Variants in SAMD3 observed in about 807,000 individuals in gnomAD.
SAMD3 encodes the protein sterile alpha motif domain containing 3, also known as sterile alpha motif domain-containing protein 3.
SAMD3 carries 63 observed loss-of-function variants against 58.5 expected under a neutral mutation model. The observed-to-expected ratio is 1.08, with a 90% CI of 0.88 to 1.33. The LOEUF is 1.33. Among genes scored for constraint, SAMD3 ranks in the 40% most tolerant of loss-of-function variants. SAMD3 has a pLI of 0.00. For synonymous variants in SAMD3, 220 were observed against 210.3 expected (o/e 1.05, Z -0.40); for missense variants, 604 against 608.4 (o/e 0.99, Z 0.08).
At chr6:130,326,324 A>G (rs1374876437) in intron 1 of SAMD3, among the ~76,000 whole-genome samples, 4 of 147,146 alleles carry the variant, frequency 2.7e-5, no homozygotes, top group African/African-American at 5.1e-5. Flanking sequence ...TCCTGCCCCT[A>G]TGACTTTACC....
At chr6:130,307,634 T>C (rs75860576) in intron 2 of SAMD3, among the ~76,000 whole-genome samples, 25,601 of 152,154 alleles carry the variant, frequency 0.17, 2,384 homozygotes, top group East Asian at 0.36. Context: ...CAAATAACTA[T>C]GATCCTCAGT....
In SAMD3 at chr6:130,175,896, G is replaced by A. The variant is rs1791678472; in HGVS notation, c.767C>T (p.Thr256Ile). Reference protein sequence around the residue: ...KCKFGHRRGQTRKSLADIRFD... With the variant: ...KCKFGHRRGQIRKSLADIRFD... ...TCTTATATCAGCAAGAGATTTCCTT[G>A]TCTGGCCTCTTCGGTGTCCAAATTT... The change falls in exon 8 of 12, where the codon ACA becomes ATA. Residue 256 changes from threonine to isoleucine, a missense_variant. Physicochemically the swap from Thr to Ile is moderately conservative, Grantham distance 89 (BLOSUM62 -1). Transcript: ENST00000439090. The A allele has an allele frequency of 2.5e-6, 4 of 1,613,070 alleles. No homozygotes were observed. The highest frequency in any genetic ancestry group is 2.5e-6 in the Non-Finnish European group (3 of 1,179,230).
At chr6:130,350,987 A>G (rs1407977742) in intron 1 of SAMD3, among the ~76,000 whole-genome samples, 6 of 152,192 alleles carry the variant, frequency 3.9e-5, no homozygotes, top group African/African-American at 7.2e-5. Context: ...AGCATTCCCT[A>G]TTTAATAAAT....
At chr6:130,174,358 G>A (rs1289447906) in intron 8 of SAMD3, among the ~76,000 whole-genome samples, 2 of 152,228 alleles carry the variant, frequency 1.3e-5, no homozygotes, top group South Asian at 2.1e-4. Context: ...TGTGGGAAAA[G>A]TGTAGTAACC....
At chr6:130,157,839 G>A (rs528325359) in intron 8 of SAMD3, among the ~76,000 whole-genome samples, 3 of 152,138 alleles carry the variant, frequency 2.0e-5, no homozygotes, top group African/African-American at 7.2e-5. Flanking sequence ...TTAAAATCAT[G>A]CATATGTAAT....
At chr6:130,227,186 C>T (rs1796404855), upstream of SAMD3, among the ~76,000 whole-genome samples, 1 of 152,144 alleles carries the variant, frequency 6.6e-6, no homozygotes, top group Admixed American at 6.5e-5. Context: ...ATGAATTTGA[C>T]TATTTTAGGT....
At chr6:130,197,764 C>T (rs138722352) in intron 5 of SAMD3, among the ~76,000 whole-genome samples, 3,139 of 152,132 alleles carry the variant, frequency 0.021, 105 homozygotes, top group African/African-American at 0.072. Flanking sequence ...TTTCGCTGTC[C>T]GAACACTTTA....
At chr6:130,308,418 C>CTATTCTATT (rs1776018241) in intron 2 of SAMD3, among the ~76,000 whole-genome samples, 1 of 135,068 alleles carries the variant, frequency 7.4e-6, no homozygotes, top group African/African-American at 2.8e-5. Flanking sequence ...CTATTCTATT[C>CTATTCTATT]TATTCTATTC....
At chr6:130,334,086 A>G (rs977941096) in intron 1 of SAMD3, among the ~76,000 whole-genome samples, 9 of 152,144 alleles carry the variant, frequency 5.9e-5, no homozygotes, top group African/African-American at 1.9e-4. Context: ...CCCCTGGCAC[A>G]CTTACCATAA....
intron 5 of SAMD3, among the ~76,000 whole-genome samples, chr6:130,207,828 G>C (rs1462573511): frequency 1.3e-5 from 2 of 152,206 alleles, no homozygotes; most frequent in African/African-American, 4.8e-5. Flanking sequence ...TGTGGGGCTA[G>C]AGGTGAGGTC....
Position 130,216,123 on chromosome 6 carries a change from A to G in SAMD3, c.-22+448T>C, listed in dbSNP as rs561039128. Reference sequence around the variant, plus strand: ...AGTTTGCAAGATATATTCTTTAACTATTTCAGTTATTTTTGTATGCCACTT... The same window carrying G: ...AGTTTGCAAGATATATTCTTTAACTGTTTCAGTTATTTTTGTATGCCACTT... On this transcript the variant is annotated intron_variant, in intron 2 of 11. Transcript: ENST00000439090. 2.5e-4 allele frequency among the ~76,000 whole-genome samples: 38 copies of G among 151,870 alleles called. No individual in the cohort carries two copies. The South Asian group carries it at 7.9e-3, about 32-fold the overall frequency.
intron 2 of SAMD3, among the ~76,000 whole-genome samples, chr6:130,230,189 C>T (rs555732685): frequency 2.0e-5 from 3 of 152,216 alleles, no homozygotes; most frequent in South Asian, 4.1e-4. Flanking sequence ...ATCAGGAGAA[C>T]GGTATTATGT....
intron 2 of SAMD3, among the ~76,000 whole-genome samples, chr6:130,254,522 T>G (rs112336209): frequency 0.06 from 9,130 of 151,864 alleles, 926 homozygotes; most frequent in African/African-American, 0.21. Context: ...AGAGATAAGG[T>G]TTTGCCATGT....
In SAMD3 at chr6:130,306,141, G is replaced by A. The variant is rs1171102552; in HGVS notation, c.-188+6837C>T. Among the ~76,000 whole-genome samples, 5 of 152,164 alleles carry A rather than the reference G, an allele frequency of 3.3e-5. No homozygotes were observed. In the East Asian group the frequency reaches 9.6e-4, roughly 29 times the overall value. ...GATTAGGTTTCAACGTATGAATTGG[G>A]TAGGGAGTGTACAAACATTCAGACC... On this transcript the variant is annotated intron_variant, in intron 2 of 13. Coordinates refer to the SAMD3 transcript ENST00000368134.
At chr6:130,320,037 T>A (rs993920528) in intron 1 of SAMD3, among the ~76,000 whole-genome samples, 7 of 151,408 alleles carry the variant, frequency 4.6e-5, no homozygotes, top group Non-Finnish European at 1.0e-4. Flanking sequence ...CATTAAAAAA[T>A]TGTGGAGAAT....
At chr6:130,165,143 T>C (rs917319092) in intron 8 of SAMD3, among the ~76,000 whole-genome samples, 8 of 152,148 alleles carry the variant, frequency 5.3e-5, no homozygotes, top group African/African-American at 1.9e-4. Flanking sequence ...GAAGACAACA[T>C]ACATTGTAAG....
intron 2 of SAMD3, among the ~76,000 whole-genome samples, chr6:130,303,241 CA>C (rs2114977480): frequency 6.6e-6 from 1 of 152,204 alleles, no homozygotes; most frequent in South Asian, 2.1e-4. Context: ...TCCAGAATCA[CA>C]AATCACAATC....
intron 1 of SAMD3, among the ~76,000 whole-genome samples, chr6:130,334,797 C>T (rs1450224859): frequency 2.6e-5 from 4 of 152,122 alleles, no homozygotes; most frequent in Admixed American, 2.6e-4. Context: ...GCCCATGTTC[C>T]CCAACTTCTG....
rs547750016 is a variant in SAMD3 at position 130,283,866 on chromosome 6, G to T, written c.-188+29112C>A. Among the ~76,000 whole-genome samples the T allele has an allele frequency of 7.2e-5, 11 of 152,286 alleles. No individual in the cohort carries two copies. In the East Asian group the frequency reaches 1.9e-3, roughly 27 times the overall value. On this transcript the variant is annotated intron_variant, in intron 2 of 13. Transcript: ENST00000368134. ...TTGTTATTATTATTTTTTTGAGAGA[G>T]GGTCTTGCTCTGTCACCCAGCCTGG...
Sources: allele counts gnomAD v4.1 joint callset (sites outside exome capture counted in the v4.1 genomes callset), GRCh38; gene constraint gnomAD v4.1.1; transcripts MANE v1.5; gene names NCBI Gene and HGNC (gene_info 2026-07-23, HGNC 2026-07-21).